MYO5A: variants seen among roughly 807,000 people sequenced by gnomAD.
MYO5A encodes unconventional myosin-Va.
Under a neutral mutation model 249.7 loss-of-function variants are expected in MYO5A, and 98 were observed. The observed-to-expected ratio is 0.39, with a 90% confidence interval of 0.33 to 0.46. The LOEUF (loss-of-function observed/expected upper bound fraction) is 0.46. Ranked by LOEUF, MYO5A falls within the 20% of genes least tolerant of loss-of-function variation. The probability of loss-of-function intolerance (pLI) is 0.98; values close to 1 mark genes in which losing one functional copy is unlikely to be tolerated. For synonymous variants in MYO5A, 778 were observed against 810.6 expected, an observed-to-expected ratio of 0.96 and a Z score of 0.68; for missense variants, 1,696 against 2,308.8, an observed-to-expected ratio of 0.73 and a Z score of 5.44.
intron 12 of MYO5A, among the ~76,000 whole-genome samples, chr15:52,391,092 G>A (rs2042214966): frequency 1.3e-5 from 2 of 152,068 alleles, no homozygotes; most frequent in East Asian, 1.9e-4. Flanking sequence ...TCCATTCCTG[G>A]GTCAAGGGTA....
intron 36 of MYO5A, among the ~76,000 whole-genome samples, chr15:52,326,279 G>A (rs1274922022): frequency 6.6e-6 from 1 of 152,176 alleles, no homozygotes; most frequent in Non-Finnish European, 1.5e-5. Flanking sequence ...TATTATGAGA[G>A]AAAGAAAACT....
At chr15:52,390,560 C>CTTTTTTTT (rs548075503) in intron 12 of MYO5A, among the ~76,000 whole-genome samples, 1 of 121,994 alleles carries the variant, frequency 8.2e-6, no homozygotes, top group African/African-American at 3.1e-5. Context: ...TTTTTTTTTT[C>CTTTTTTTT]TTTTTTTTTT....
chr15:52,383,204 C>G lies in MYO5A; in HGVS notation c.1915-16G>C. On this transcript the variant is annotated splice_polypyrimidine_tract_variant and intron_variant, in intron 15 of 41. Transcript: ENST00000399233. ...AGTTTCTGAACTGCATGAAAAAGGG[C>G]AGAAGAGGGTATCAAGGCTTTGTCC... The G allele has an allele frequency of 6.3e-7, 1 of 1,583,572 alleles. No homozygotes were observed. Among genetic ancestry groups the G allele is most frequent in the Non-Finnish European group, 8.7e-7 (1 of 1,152,334 alleles).
chr15:52,413,855 G>A (rs2043355997), intron 5 of MYO5A, among the ~76,000 whole-genome samples: 1 of 152,132 alleles, frequency 6.6e-6, no homozygotes, highest in South Asian at 2.1e-4. Flanking sequence ...AAGGAAGCAG[G>A]TGAGCATAGC....
chr15:52,504,908 G>C (rs1394641027), intron 1 of MYO5A, among the ~76,000 whole-genome samples: 1 of 151,202 alleles, frequency 6.6e-6, no homozygotes, highest in Non-Finnish European at 1.5e-5. Flanking sequence ...AAAGAAAAAA[G>C]AAAAGTCTGA....
Position 52,416,061 on chromosome 15 carries a change from T to G in MYO5A, c.612+84A>C. 7 of 1,506,452 alleles carry G rather than the reference T, an allele frequency of 4.6e-6. No individual in the cohort carries two copies. The South Asian group carries it at 8.0e-5, about 17-fold the overall frequency. 93.3% of individuals were successfully genotyped at this position (1,506,452 alleles called of 1,614,324 possible). On this transcript the variant is annotated intron_variant, in intron 5 of 41. Coordinates refer to ENST00000399233, the MANE Select transcript of MYO5A (RefSeq NM_001382347.1). ...TAGTGGCTGGAGACCCCAGGCTTTCTGAGACATGCTGTATCAATCAATTTT... is the reference window on the plus strand; with the variant it reads ...TAGTGGCTGGAGACCCCAGGCTTTCGGAGACATGCTGTATCAATCAATTTT...
intron 1 of MYO5A, among the ~76,000 whole-genome samples, chr15:52,512,175 A>AG: frequency 6.6e-6 from 1 of 152,178 alleles, no homozygotes; most frequent in Non-Finnish European, 1.5e-5. Flanking sequence ...AAAAAAAAAA[A>AG]AAATTGATAT....
At chr15:52,353,683 T>C in intron 26 of MYO5A, 25 bp from the exon 27 acceptor site, 1 of 1,606,522 alleles carries the variant, frequency 6.2e-7, no homozygotes, top group South Asian at 1.1e-5. Flanking sequence ...AAGTTTTATA[T>C]TTTAATTGTC....
At chr15:52,385,692 A>G (rs1267728947) in intron 14 of MYO5A, among the ~76,000 whole-genome samples, 1 of 152,204 alleles carries the variant, frequency 6.6e-6, no homozygotes, top group Non-Finnish European at 1.5e-5. Flanking sequence ...ATTCTACTCA[A>G]AACACATAAC....
chr15:52,353,806 G>A, intron 26 of MYO5A, 65 bp downstream of exon 26: 3 of 1,608,518 alleles, frequency 1.9e-6, no homozygotes, highest in South Asian at 2.2e-5. Context: ...TCTCCACTAA[G>A]GAAGAGACTG....
intron 36 of MYO5A, chr15:52,323,912 G>A (rs2062246045): frequency 5.1e-6 from 1 of 194,852 alleles, no homozygotes; most frequent in Non-Finnish European, 1.0e-5. Context: ...GCTGAGGTAG[G>A]AGAATCACTT....
At chr15:52,383,269 C>T in intron 15 of MYO5A, 81 bp from the exon 16 acceptor site, 2 of 1,155,956 alleles carry the variant, frequency 1.7e-6, no homozygotes, top group Non-Finnish European at 2.6e-6. Flanking sequence ...AATTCCCTTC[C>T]TATGACACTA....
chr15:52,314,550 C>T (rs929610465), intron 40 of MYO5A, among the ~76,000 whole-genome samples: 3 of 152,222 alleles, frequency 2.0e-5, no homozygotes, highest in African/African-American at 7.2e-5. Flanking sequence ...CCCCCTCTAG[C>T]TGCTATAAAT....
At chr15:52,343,297 T>A (rs142112828) in intron 30 of MYO5A, 100 bp from the exon 31 acceptor site, 24 of 1,020,530 alleles carry the variant, frequency 2.4e-5, no homozygotes, top group Non-Finnish European at 3.5e-5. Context: ...CAACATTTTA[T>A]AAGTTTGTTT....
At chr15:52,372,030 C>G (rs1457846567) in intron 21 of MYO5A, 94 bp downstream of exon 21, 1 of 1,581,672 alleles carries the variant, frequency 6.3e-7, no homozygotes, top group South Asian at 1.1e-5. Context: ...TTACTAAGAC[C>G]GAAGGGTAAA....
rs1185413269 is a variant in MYO5A at position 52,528,746 on chromosome 15, C to T, written c.27+34G>A. On this transcript the variant is annotated intron_variant, in intron 1 of 41. Coordinates refer to ENST00000399233, the MANE Select transcript of MYO5A (RefSeq NM_001382347.1). ...CAGCTGGCGGCGAGGGCCGCACAGCCCCAGTCCTCGACGCCGGCCGCGGGG... is the reference window on the plus strand; with the variant it reads ...CAGCTGGCGGCGAGGGCCGCACAGCTCCAGTCCTCGACGCCGGCCGCGGGG... The T allele has an allele frequency of 2.0e-6, 3 of 1,501,844 alleles. No individual in the cohort carries two copies. In the South Asian group the frequency reaches 3.7e-5, roughly 19 times the overall value. 93.0% of individuals were successfully genotyped at this position (1,501,844 alleles called of 1,614,324 possible).
At chr15:52,316,991 C>T (rs2038053723) in intron 40 of MYO5A, 57 bp downstream of exon 40, 1 of 1,554,226 alleles carries the variant, frequency 6.4e-7, no homozygotes, top group Non-Finnish European at 8.9e-7. Context: ...CTTTACTTCC[C>T]TAAAGATCAT....
At chr15:52,328,130 A>G in intron 35 of MYO5A, 124 bp from the exon 36 acceptor site, 1 of 804,248 alleles carries the variant, frequency 1.2e-6, no homozygotes, top group Non-Finnish European at 2.0e-6. Flanking sequence ...GGTAATATAA[A>G]AAGTGTATTT....
At chr15:52,355,212 T>C (rs1425262592) in intron 25 of MYO5A, among the ~76,000 whole-genome samples, 23 of 152,184 alleles carry the variant, frequency 1.5e-4, no homozygotes, top group Admixed American at 1.5e-3. Flanking sequence ...AAAACTGAAA[T>C]CTGATAAACC....
Sources: allele counts gnomAD v4.1 joint callset (sites outside exome capture counted in the v4.1 genomes callset), GRCh38; gene constraint gnomAD v4.1.1; transcripts MANE v1.5; gene names NCBI Gene and HGNC (gene_info 2026-07-23, HGNC 2026-07-21).